The following PREX1 variants were observed in gnomAD, a reference collection of about 807,000 sequenced individuals.
PREX1 encodes phosphatidylinositol 3,4,5-trisphosphate-dependent Rac exchanger 1 protein.
In PREX1, 41 loss-of-function variants were observed where a neutral mutation model predicts 198.3. The observed-to-expected ratio is 0.21, with a 90% CI of 0.16 to 0.27. PREX1 has a LOEUF of 0.27. Ranked by LOEUF, PREX1 falls within the 10% of genes least tolerant of loss-of-function variation. The probability of loss-of-function intolerance (pLI) is 1.00; values close to 1 mark genes in which losing one functional copy is unlikely to be tolerated. For synonymous variants in PREX1, 843 were observed against 887.2 expected (o/e 0.95, Z 0.89); for missense variants, 1,620 against 2,200.7 (o/e 0.74, Z 5.28).
the PREX1 span, among the ~76,000 whole-genome samples, chr20:48,883,222 C>T: frequency 6.6e-6 from 1 of 152,038 alleles, no homozygotes; most frequent in Non-Finnish European, 1.5e-5. Context: ...GCATGAGACA[C>T]CGTGCCTGGC....
chr20:48,650,885 C>G lies in PREX1; in HGVS notation c.2817+9G>C, dbSNP rs768828939. 96 of 1,613,792 alleles carry G rather than the reference C, an allele frequency of 5.9e-5. 1 individual carries two copies. Among genetic ancestry groups the G allele is most frequent in the South Asian group, 7.7e-5 (7 of 91,070 alleles). ...TGTGGCAGAGACCCCGGAGGGAGCA[C>G]GCAGGCACCTCCTGGTAGCAGGCAA... On this transcript the variant is annotated intron_variant, in intron 23 of 39. Transcript: ENST00000371941.
chr20:48,812,236 CAATATAAGAGGAATGGGTAAAT>C (rs1568651058), intron 1 of PREX1, among the ~76,000 whole-genome samples: 1 of 150,860 alleles, frequency 6.6e-6, no homozygotes, highest in East Asian at 1.9e-4. Flanking sequence ...CTAAATGCCC[CAATATAAGAGGAATGGGTAAAT>C]AATATAAGAG....
intron 7 of PREX1, among the ~76,000 whole-genome samples, chr20:48,694,957 T>TTGTG (rs2089837898): frequency 6.6e-6 from 1 of 152,182 alleles, no homozygotes; most frequent in Admixed American, 6.5e-5. Flanking sequence ...ATGTGTGTGT[T>TTGTG]TGTGTGTGTA....
the PREX1 span, among the ~76,000 whole-genome samples, chr20:48,861,936 G>A: frequency 4.6e-5 from 7 of 152,142 alleles, no homozygotes; most frequent in Non-Finnish European, 7.4e-5. Context: ...CAGGCCAGGC[G>A]CGGTGGCTCA....
At chr20:48,670,825 C>A (rs1300224935) in intron 14 of PREX1, among the ~76,000 whole-genome samples, 1 of 152,212 alleles carries the variant, frequency 6.6e-6, no homozygotes, top group Non-Finnish European at 1.5e-5. Flanking sequence ...ACAACCCCTG[C>A]CACACACAAA....
At chr20:48,762,701 CTTT>C (rs397816054) in intron 1 of PREX1, among the ~76,000 whole-genome samples, 5 of 128,084 alleles carry the variant, frequency 3.9e-5, no homozygotes, top group Admixed American at 8.1e-5. Flanking sequence ...TATGAAGTTT[CTTT>C]TTTTTTTTTT....
At position 48,653,374 on chromosome 20, in the gene PREX1, C is replaced by G. The variant is rs774505675; in HGVS notation, c.2333G>C (p.Arg778Pro). 1 of 1,613,384 alleles carries G rather than the reference C, an allele frequency of 6.2e-7. No individual in the cohort carries two copies. The highest frequency in any genetic ancestry group is 2.2e-5 in the East Asian group (1 of 44,838). ...CAGTAAACTTACCAGGGCCTCTTCG[C>G]GCCGACTCCGGAATGCCTGGAAGTG... ...LEHFQAFRSR[R>P]EEALGLYQWI... The change falls in exon 20 of 40, where the codon CGC becomes CCC. Residue 778 changes from arginine (R) to proline (P), a missense_variant. Transcript: ENST00000371941.
the PREX1 span, among the ~76,000 whole-genome samples, chr20:48,863,780 G>T: frequency 1.3e-5 from 2 of 151,704 alleles, no homozygotes; most frequent in Admixed American, 1.3e-4. Flanking sequence ...TAGAGATGGG[G>T]TTTTCTTGGC....
In PREX1 at chr20:48,630,778, G is replaced by C; in HGVS notation, c.4543C>G (p.Arg1515Gly). 1.9e-6 allele frequency: 3 copies of C among 1,589,624 alleles called. No homozygotes were observed. The highest frequency in any genetic ancestry group is 2.6e-6 in the Non-Finnish European group (3 of 1,157,976). Residue 1515 changes from arginine (R) to glycine (G), a missense_variant, in exon 36 of 40, where the codon CGG becomes GGG. Physicochemically the swap from Arg to Gly is moderately radical, Grantham distance 125 (BLOSUM62 -2). Transcript: ENST00000371941. ...YRKLRAFYLE[R>G]SNLPTDASTT... is the part of the protein sequence containing the mutation. ...CTGGCATCCGTGGGCAGGTTAGACCGCTCCAGGTAAAATGCCCTGCGAGAG... is the reference window on the plus strand; with the variant it reads ...CTGGCATCCGTGGGCAGGTTAGACCCCTCCAGGTAAAATGCCCTGCGAGAG...
At chr20:48,734,722 A>C in intron 3 of PREX1, 72 bp from the exon 4 acceptor site, 1 of 1,351,216 alleles carries the variant, frequency 7.4e-7, no homozygotes, top group Non-Finnish European at 1.1e-6. Context: ...CATGCTGACC[A>C]CTGGGCTGGT....
rs138621011 is a variant in PREX1, at chr20:48,680,463, G to C, written c.1436-709C>G. Among the ~76,000 whole-genome samples, 1,146 of 152,238 alleles carry C rather than the reference G, an allele frequency of 7.5e-3. 10 individuals are homozygous for C. The highest frequency in any genetic ancestry group is 0.033 in the South Asian group (159 of 4,826). On this transcript the variant is annotated intron_variant, in intron 11 of 39. Transcript: ENST00000371941. The stretch of plus-strand genomic sequence containing the variant: ...TAGCTCACTCAGAGTAAAAGCCAAA[G>C]ACCCTACAATTCTCTATAGGATCTC...
chr20:48,832,367 T>TC (rs760445030), upstream of PREX1, among the ~76,000 whole-genome samples: 31 of 152,242 alleles, frequency 2.0e-4, no homozygotes, highest in Admixed American at 4.6e-4. Context: ...AAGGCCCCCT[T>TC]CCCAAGCTCT....
At chr20:48,824,871 T>C (rs1032699060) in intron 1 of PREX1, among the ~76,000 whole-genome samples, 47 of 152,204 alleles carry the variant, frequency 3.1e-4, no homozygotes, top group African/African-American at 1.1e-3. Flanking sequence ...ACGGTTTCCA[T>C]GGGCCGATGG....
chr20:48,870,145 T>A, the PREX1 span, among the ~76,000 whole-genome samples: 1 of 152,198 alleles, frequency 6.6e-6, no homozygotes, highest in African/African-American at 2.4e-5. Context: ...TGTAAGGAAT[T>A]TGCCTACTTG....
chr20:48,751,391 T>C (rs1295883924), intron 1 of PREX1, among the ~76,000 whole-genome samples: 1 of 152,182 alleles, frequency 6.6e-6, no homozygotes, highest in African/African-American at 2.4e-5. Flanking sequence ...CCTGTCCTGG[T>C]TTCTTCACAC....
intron 1 of PREX1, among the ~76,000 whole-genome samples, chr20:48,804,102 A>C (rs1163627311): frequency 6.6e-6 from 1 of 152,230 alleles, no homozygotes; most frequent in Non-Finnish European, 1.5e-5. Flanking sequence ...GCCCAGAAGA[A>C]GGCCTGGGAT....
chr20:48,659,779 G>T, intron 16 of PREX1, 140 bp downstream of exon 16: 1 of 1,172,368 alleles, frequency 8.5e-7, no homozygotes. Flanking sequence ...TGGCAGAGTT[G>T]CCCCCTACCA....
At chr20:48,844,284 G>A in the PREX1 span, among the ~76,000 whole-genome samples, 25,709 of 152,050 alleles carry the variant, frequency 0.17, 2,290 homozygotes, top group Admixed American at 0.19. Flanking sequence ...TCCCTTGCAC[G>A]GCCATGTTCT....
chr20:48,816,719 G>A (rs1002974617), intron 1 of PREX1, among the ~76,000 whole-genome samples: 5 of 152,042 alleles, frequency 3.3e-5, no homozygotes, highest in Non-Finnish European at 5.9e-5. Flanking sequence ...CACAATGCAC[G>A]CAACTAAATT....
Sources: gnomAD v4.1 joint callset for allele counts (sites outside exome capture counted in the v4.1 genomes callset) on GRCh38, gnomAD v4.1.1 for gene constraint, MANE v1.5 for transcripts, NCBI Gene and HGNC (gene_info 2026-07-23, HGNC 2026-07-21) for gene names.